TAS2R14: variants seen among roughly 807,000 people sequenced by gnomAD.
TAS2R14 encodes the protein taste receptor type 2 member 14.
For missense variants in TAS2R14, 383 were observed against 372.0 expected (o/e 1.03, Z -0.24); for synonymous variants, 131 against 131.0 (o/e 1.00, Z 0.00).
At chr12:10,938,289 G>T (rs1406213042) in exon 1 of TAS2R14, 1 of 1,609,128 alleles carries the variant, frequency 6.2e-7, no homozygotes, top group Non-Finnish European at 8.5e-7. Context: ...TGACCTGAGG[G>T]CTCCCCATCT....
chr12:10,938,340 C>G, exon 1 of TAS2R14: 7 of 1,614,040 alleles, frequency 4.3e-6, no homozygotes, highest in Non-Finnish European at 5.9e-6. Context: ...GACAGAGAGG[C>G]CTGTCTCAGC....
chr12:10,938,878 C>T, exon 1 of TAS2R14: 2 of 1,613,822 alleles, frequency 1.2e-6, no homozygotes, highest in East Asian at 2.2e-5. Context: ...AATTGGCTAT[C>T]TTGAGAAAAT....
exon 1 of TAS2R14, chr12:10,937,722 A>G (rs1950312126): frequency 1.3e-5 from 2 of 152,266 alleles, no homozygotes; most frequent in African/African-American, 4.8e-5. Context: ...TGCAAAGCCA[A>G]GAGAATGAGC....
At chr12:10,937,454 T>C (rs1049348988) in exon 1 of TAS2R14, 28 of 152,058 alleles carry the variant, frequency 1.8e-4, no homozygotes, top group African/African-American at 6.3e-4. Context: ...CACAGGAAGA[T>C]AGGAAACAAA....
chr12:10,939,050 A>G, exon 1 of TAS2R14: 1 of 1,614,014 alleles, frequency 6.2e-7, no homozygotes, highest in South Asian at 1.1e-5. Flanking sequence ...AATTCGAGAG[A>G]TTGCCAAAGC....
exon 1 of TAS2R14, chr12:10,938,519 A>T (rs1950330535): frequency 6.2e-7 from 1 of 1,613,890 alleles, no homozygotes; most frequent in African/African-American, 1.3e-5. Flanking sequence ...CACACTTTTA[A>T]CTCCTCTGTG....
chr12:10,938,418 G>A, exon 1 of TAS2R14: 2 of 1,614,008 alleles, frequency 1.2e-6, no homozygotes, highest in East Asian at 2.2e-5. Flanking sequence ...ACCTGGGAAA[G>A]AATAATTAGA....
exon 1 of TAS2R14, chr12:10,939,011 C>G: frequency 6.2e-7 from 1 of 1,613,468 alleles, no homozygotes; most frequent in Non-Finnish European, 8.5e-7. Flanking sequence ...AGACACACAC[C>G]AGCTTCCGAA....
chr12:10,938,956 C>T, exon 1 of TAS2R14: 2 of 1,613,548 alleles, frequency 1.2e-6, no homozygotes, highest in Non-Finnish European at 1.7e-6. Context: ...TATTAGTAAG[C>T]ATTCTGAACA....
chr12:10,938,431 T>G, exon 1 of TAS2R14: 1 of 1,614,020 alleles, frequency 6.2e-7, no homozygotes, highest in Non-Finnish European at 8.5e-7. Context: ...TAATTAGATT[T>G]TCCTCCAACC....
At chr12:10,938,414 G>A in exon 1 of TAS2R14, 1 of 1,614,006 alleles carries the variant, frequency 6.2e-7, no homozygotes, top group Non-Finnish European at 8.5e-7. Context: ...CATCACCTGG[G>A]AAAGAATAAT....
exon 1 of TAS2R14, chr12:10,938,157 A>T: frequency 1.2e-6 from 1 of 845,254 alleles, no homozygotes; most frequent in Non-Finnish European, 1.8e-6. Flanking sequence ...TATCTTTGTA[A>T]AATTCACAAA....
At chr12:10,939,034 C>A in exon 1 of TAS2R14, 1 of 1,613,758 alleles carries the variant, frequency 6.2e-7, no homozygotes, top group Non-Finnish European at 8.5e-7. Context: ...TTAACCAAAC[C>A]AGGCTAATTC....
rs747859002 is a variant in TAS2R14 at position 10,939,243 on chromosome 12, T to A, written c.-36A>T. On this transcript the variant is annotated 5_prime_UTR_variant, in exon 1 of 1. Transcript: ENST00000537503. ...AGCATGCCCCAATGTCTAATATCAC[T>A]GCTGAAGACTTCTTAATGCATTCAT... 3.2e-6 allele frequency: 4 copies of A among 1,233,166 alleles called. No homozygotes were observed. The African/African-American group carries it at 6.1e-5, about 19-fold the overall frequency. 76.4% of individuals were successfully genotyped at this position (1,233,166 alleles called of 1,614,324 possible). A position where few individuals can be genotyped will look rare whatever the true frequency, so the allele number is the denominator to read the frequency against.
chr12:10,939,053 G>A lies in TAS2R14; in HGVS notation c.155C>T (p.Ala52Val). The stretch of plus-strand genomic sequence containing the variant: ...CCAAACCAGGCTAATTCGAGAGATT[G>A]CCAAAGCAGTGAGGATCCGATCAAC... Residue 52 changes from alanine to valine, a missense_variant, in exon 1 of 1, where the codon GCA becomes GTA. Transcript: ENST00000537503. The A allele has an allele frequency of 1.9e-6, 3 of 1,613,946 alleles. No individual in the cohort carries two copies. The African/African-American group carries it at 4.0e-5, about 22-fold the overall frequency.
At chr12:10,938,427 G>T in exon 1 of TAS2R14, 1 of 1,613,992 alleles carries the variant, frequency 6.2e-7, no homozygotes, top group African/African-American at 1.3e-5. Flanking sequence ...AGAATAATTA[G>T]ATTTTCCTCC....
chr12:10,938,837 C>T lies in TAS2R14; in HGVS notation n.493-260G>A, dbSNP rs199867104. Reference sequence around the variant, plus strand: ...CACCAAAACCACCTTTTTAACCCTCCACTTTAGGTAGAGAAAAATAGAGTT... The same window carrying T: ...CACCAAAACCACCTTTTTAACCCTCTACTTTAGGTAGAGAAAAATAGAGTT... On this transcript the variant is annotated intron_variant and non_coding_transcript_variant, in intron 4 of 4. Coordinates refer to the TAS2R14 transcript ENST00000381852. 2.5e-5 allele frequency: 40 copies of T among 1,613,496 alleles called. No homozygotes were observed. In the East Asian group the frequency reaches 8.5e-4, roughly 34 times the overall value.
At chr12:10,938,774 A>G (rs1407255356) in exon 1 of TAS2R14, 2 of 1,613,620 alleles carry the variant, frequency 1.2e-6, no homozygotes, top group African/African-American at 2.7e-5. Flanking sequence ...TATCAGTGCA[A>G]TATTTAAAAA....
rs151025805 is a variant in TAS2R14 at position 10,938,280 on chromosome 12, G to A, written c.928C>T (p.His310Tyr). The A allele has an allele frequency of 2.3e-4, 370 of 1,600,950 alleles. No individual in the cohort carries two copies. Among genetic ancestry groups the A allele is most frequent in the Non-Finnish European group, 2.8e-4 (327 of 1,176,124 alleles). The change falls in exon 1 of 1, where the codon CAC (histidine) becomes TAC (tyrosine). Residue 310 changes from histidine to tyrosine, a missense_variant. His to Tyr is a moderately conservative substitution (Grantham distance 83). Transcript: ENST00000537503. Reference sequence around the variant, plus strand: ...CAAGATGATTCTCTAAATTCTTTGTGACCTGAGGGCTCCCCATCTTTGAAC... The same window carrying A: ...CAAGATGATTCTCTAAATTCTTTGTAACCTGAGGGCTCCCCATCTTTGAAC...
Sources: gnomAD v4.1 joint callset for allele counts on GRCh38, gnomAD v4.1.1 for gene constraint, MANE v1.5 for transcripts, NCBI Gene and HGNC (gene_info 2026-07-23, HGNC 2026-07-21) for gene names.